PRLR: variants seen among roughly 807,000 people sequenced by gnomAD.
PRLR encodes prolactin receptor.
A neutral mutation model predicts 40.2 loss-of-function variants in PRLR; 13 were observed. That is an observed-to-expected ratio of 0.32 (90% CI 0.21 to 0.51). The LOEUF (loss-of-function observed/expected upper bound fraction) is 0.51, where lower values mean the gene tolerates loss of function less well. Ranked by LOEUF, PRLR falls within the 20% of genes least tolerant of loss-of-function variation. The pLI is 0.97. For synonymous variants in PRLR, 269 were observed against 278.7 expected, an observed-to-expected ratio of 0.97 and a Z score of 0.35; for missense variants, 656 against 747.3, an observed-to-expected ratio of 0.88 and a Z score of 1.42.
At chr5:35,169,673 C>G (rs938823509) in intron 1 of PRLR, among the ~76,000 whole-genome samples, 7 of 152,158 alleles carry the variant, frequency 4.6e-5, no homozygotes, top group African/African-American at 1.7e-4. Context: ...TGGAAGATCT[C>G]CAATTAATTA....
intron 2 of PRLR, among the ~76,000 whole-genome samples, chr5:35,109,951 A>T (rs1321483950): frequency 6.6e-6 from 1 of 152,256 alleles, no homozygotes; most frequent in Non-Finnish European, 1.5e-5. Context: ...ACAATAGCAA[A>T]GGCTTGGAGC....
intron 3 of PRLR, among the ~76,000 whole-genome samples, chr5:35,089,148 T>A (rs1771050326): frequency 6.6e-6 from 1 of 152,226 alleles, no homozygotes; most frequent in South Asian, 2.1e-4. Context: ...TATGGTTTTT[T>A]AAAGAGTTTT....
In PRLR at chr5:35,068,797, A is replaced by G. The variant is rs371143372; in HGVS notation, c.767T>C (p.Val256Ala). ...AVICLIIVWA[V>A]ALKGYSMVTC... ...GAAGTACCTATAGCCCTTCAAAGCC[A>G]CTGCCCAGACAATAATCAAACAGAT... Residue 256 changes from valine (V) to alanine (A), a missense_variant, in exon 8 of 10, where the codon GTG becomes GCG. Val to Ala is a moderately conservative substitution (Grantham distance 64). This residue lies in a region of PRLR where 469 missense variants were observed against 491.5 expected (regional missense o/e 0.95). Coordinates refer to ENST00000618457, the MANE Select transcript of PRLR (RefSeq NM_000949.7). 8.7e-6 allele frequency: 14 copies of G among 1,609,698 alleles called. No individual in the cohort carries two copies. The African/African-American group carries it at 1.9e-4, about 22-fold the overall frequency.
downstream of PRLR, among the ~76,000 whole-genome samples, chr5:35,052,499 A>G (rs938648907): frequency 2.6e-5 from 4 of 152,114 alleles, no homozygotes; most frequent in Non-Finnish European, 5.9e-5. Context: ...GTTCTCTTTG[A>G]CCTGCTGCCC....
At chr5:35,105,950 G>GA (rs1772215325) in intron 2 of PRLR, among the ~76,000 whole-genome samples, 2 of 152,194 alleles carry the variant, frequency 1.3e-5, no homozygotes, top group South Asian at 4.1e-4. Context: ...TGAAATGAAG[G>GA]AAAAAATGTT....
intron 1 of PRLR, among the ~76,000 whole-genome samples, chr5:35,187,301 T>C (rs1561354973): frequency 6.6e-6 from 1 of 151,680 alleles, no homozygotes; most frequent in Non-Finnish European, 1.5e-5. Flanking sequence ...CTAGGGAGGC[T>C]GAGGCTGAAG....
At chr5:35,224,470 T>C (rs539164490) in intron 1 of PRLR, among the ~76,000 whole-genome samples, 1 of 152,366 alleles carries the variant, frequency 6.6e-6, no homozygotes, top group South Asian at 2.1e-4. Flanking sequence ...TCAGCTTCTT[T>C]ACTGCCATTT....
intron 1 of PRLR, among the ~76,000 whole-genome samples, chr5:35,209,939 G>A (rs550464456): frequency 8.5e-5 from 13 of 152,162 alleles, no homozygotes; most frequent in South Asian, 4.1e-4. Flanking sequence ...AACTACGCAC[G>A]AGATCATGCC....
chr5:35,135,910 G>A (rs1039018509), intron 1 of PRLR, among the ~76,000 whole-genome samples: 1 of 152,208 alleles, frequency 6.6e-6, no homozygotes, highest in Non-Finnish European at 1.5e-5. Context: ...GTTGTCTGGT[G>A]GGAAAAGCTT....
chr5:35,086,420 T>C, intron 3 of PRLR, 80 bp from the exon 4 acceptor site: 2 of 1,542,772 alleles, frequency 1.3e-6, no homozygotes, highest in Non-Finnish European at 8.8e-7. Flanking sequence ...CAGAAACAGA[T>C]TGATGGACCA....
At chr5:35,068,343 A>G (rs1289978237) in intron 8 of PRLR, 58 bp from the exon 9 acceptor site, 2 of 1,490,264 alleles carry the variant, frequency 1.3e-6, no homozygotes, top group South Asian at 1.1e-5. Flanking sequence ...GTAATTTTTG[A>G]AAGGTTAGTA....
At chr5:35,088,077 G>A (rs545054389) in intron 3 of PRLR, among the ~76,000 whole-genome samples, 6 of 152,318 alleles carry the variant, frequency 3.9e-5, no homozygotes, top group East Asian at 1.9e-4. Context: ...GGAGAAATGC[G>A]TGGGAAGAGG....
At chr5:35,106,583 T>C (rs981871265) in intron 2 of PRLR, among the ~76,000 whole-genome samples, 21 of 152,186 alleles carry the variant, frequency 1.4e-4, no homozygotes, top group Admixed American at 4.6e-4. Context: ...AATCCTACTC[T>C]CTGAGAAAAC....
intron 1 of PRLR, among the ~76,000 whole-genome samples, chr5:35,126,134 A>G (rs954607370): frequency 1.3e-5 from 2 of 152,206 alleles, no homozygotes; most frequent in Non-Finnish European, 2.9e-5. Context: ...TGCTGTGGGT[A>G]GGTAAGTGAT....
chr5:35,075,295 A>G (rs1370140463), intron 5 of PRLR, among the ~76,000 whole-genome samples: 1 of 152,212 alleles, frequency 6.6e-6, no homozygotes, highest in Non-Finnish European at 1.5e-5. Flanking sequence ...TAGCCAAGGG[A>G]AGCCATGACA....
exon 9 of PRLR, chr5:35,049,204 C>T: frequency 1.4e-6 from 1 of 701,360 alleles, no homozygotes; most frequent in Admixed American, 2.0e-5. Flanking sequence ...CACAGCATCT[C>T]CCTGGGGTGC....
chr5:35,097,766 C>G (rs576244141), intron 2 of PRLR, among the ~76,000 whole-genome samples: 1 of 152,178 alleles, frequency 6.6e-6, no homozygotes, highest in South Asian at 2.1e-4. Flanking sequence ...GTAGGTATTC[C>G]TGGGGCATCA....
intron 2 of PRLR, among the ~76,000 whole-genome samples, chr5:35,114,870 A>G (rs1330947356): frequency 1.3e-5 from 2 of 152,310 alleles, no homozygotes; most frequent in South Asian, 2.1e-4. Context: ...ATGTTTGCTC[A>G]GGGCTGGGCC....
chr5:35,222,001 G>T (rs969751971), intron 1 of PRLR, among the ~76,000 whole-genome samples: 1 of 152,206 alleles, frequency 6.6e-6, no homozygotes, highest in South Asian at 2.1e-4. Context: ...ACATATAAAG[G>T]ATTCTTTAAA....
Sources: gnomAD v4.1 joint callset for allele counts (sites outside exome capture counted in the v4.1 genomes callset) on GRCh38, gnomAD v4.1.1 for gene constraint, gnomAD v4.1.1 regional missense constraint, MANE v1.5 for transcripts, NCBI Gene and HGNC (gene_info 2026-07-23, HGNC 2026-07-21) for gene names.